Variants in SPOPL observed in about 807,000 individuals in gnomAD.
SPOPL encodes speckle-type POZ protein-like.
In SPOPL, 23 loss-of-function variants were observed where a neutral mutation model predicts 53.8. The ratio of observed to expected loss-of-function variants is 0.43; its 90% CI spans 0.31 to 0.61. SPOPL has a LOEUF of 0.61. SPOPL is among the 20% of genes least tolerant of loss of function. The probability of loss-of-function intolerance (pLI) is 0.12; values close to 1 mark genes in which losing one functional copy is unlikely to be tolerated. For missense variants in SPOPL, 442 were observed against 466.9 expected (o/e 0.95, Z 0.49); for synonymous variants, 164 against 149.7 (o/e 1.10, Z -0.70).
intron 5 of SPOPL, among the ~76,000 whole-genome samples, chr2:138,556,131 CTT>C (rs746375238): frequency 8.6e-5 from 13 of 152,038 alleles, no homozygotes; most frequent in Non-Finnish European, 1.5e-4. Flanking sequence ...CTTGAATACT[CTT>C]TGGAGTATGA....
chr2:138,504,714 A>G (rs1307196337), intron 1 of SPOPL, among the ~76,000 whole-genome samples: 1 of 152,204 alleles, frequency 6.6e-6, no homozygotes, highest in Non-Finnish European at 1.5e-5. Flanking sequence ...TGCACCTAGA[A>G]TAGTACTAGC....
intron 1 of SPOPL, among the ~76,000 whole-genome samples, chr2:138,534,663 A>G (rs1268590845): frequency 1.3e-5 from 2 of 152,168 alleles, no homozygotes; most frequent in East Asian, 3.8e-4. Flanking sequence ...CAGTTCCGTA[A>G]TGGCTTAGTA....
chr2:138,564,605 ATAAT>A (rs1227085432), intron 8 of SPOPL, 99 bp from the exon 9 acceptor site: 1 of 1,252,752 alleles, frequency 8.0e-7, no homozygotes, highest in Non-Finnish European at 1.1e-6. Flanking sequence ...ATAATCTTAA[ATAAT>A]AATCTATTTT....
chr2:138,540,536 G>C (rs1383840043), intron 1 of SPOPL, among the ~76,000 whole-genome samples: 3 of 151,910 alleles, frequency 2.0e-5, no homozygotes, highest in Non-Finnish European at 4.4e-5. Flanking sequence ...CTCATGATTT[G>C]GTTCTCTGTC....
At chr2:138,543,958 AC>A (rs1403942657) in intron 1 of SPOPL, among the ~76,000 whole-genome samples, 1 of 151,998 alleles carries the variant, frequency 6.6e-6, no homozygotes, top group Non-Finnish European at 1.5e-5. Flanking sequence ...AACAGTCAGG[AC>A]CCTCAGCTGC....
rs1045918 is a variant in SPOPL at position 138,572,487 on chromosome 2, G to A, written c.*3407G>A. 0.15 allele frequency: 22,746 copies of A among 152,304 alleles called. 1,932 individuals carry two copies. Among genetic ancestry groups the A allele is most frequent in the African/African-American group, 0.23 (9,386 of 41,460 alleles). 9.4% of individuals were successfully genotyped at this position (152,304 alleles called of 1,614,324 possible). On this transcript the variant is annotated 3_prime_UTR_variant, in exon 11 of 11. Transcript: ENST00000280098. ...GACCCAGTGTTACTAAAATAGAACAGGGATTGTGAAAATCCAGCTCAACAT... is the reference window on the plus strand; with the variant it reads ...GACCCAGTGTTACTAAAATAGAACAAGGATTGTGAAAATCCAGCTCAACAT...
intron 5 of SPOPL, among the ~76,000 whole-genome samples, chr2:138,555,347 AGCCTTTCT>A (rs1325397386): frequency 6.6e-6 from 1 of 152,128 alleles, no homozygotes; most frequent in Non-Finnish European, 1.5e-5. Flanking sequence ...CATAGCAGAG[AGCCTTTCT>A]GTTTTAAAAT....
At chr2:138,538,796 G>A (rs34898006) in intron 1 of SPOPL, among the ~76,000 whole-genome samples, 21,386 of 151,040 alleles carry the variant, frequency 0.14, 1,674 homozygotes, top group African/African-American at 0.2. Flanking sequence ...TGTGCACAAC[G>A]TGCAGGTTAG....
intron 1 of SPOPL, among the ~76,000 whole-genome samples, chr2:138,520,324 A>C (rs1684529791): frequency 1.3e-5 from 2 of 152,216 alleles, no homozygotes; most frequent in East Asian, 1.9e-4. Flanking sequence ...ACTGTAGTGA[A>C]CTTGAAGGTA....
chr2:138,504,549 T>C (rs1202974969), intron 1 of SPOPL, among the ~76,000 whole-genome samples: 2 of 152,226 alleles, frequency 1.3e-5, no homozygotes, highest in Non-Finnish European at 2.9e-5. Context: ...CTTAGTTTTG[T>C]AAATATTCTT....
At chr2:138,568,790 G>A in intron 10 of SPOPL, 146 bp from the exon 11 acceptor site, 2 of 842,396 alleles carry the variant, frequency 2.4e-6, no homozygotes, top group South Asian at 3.6e-5. Flanking sequence ...GATAAAGATG[G>A]TATTTTAATA....
intron 1 of SPOPL, among the ~76,000 whole-genome samples, chr2:138,527,888 T>C (rs552038892): frequency 6.6e-6 from 1 of 152,320 alleles, no homozygotes; most frequent in Non-Finnish European, 1.5e-5. Context: ...GCAAGGTGTC[T>C]CAACGTGATG....
chr2:138,529,980 A>T (rs1684771614), intron 1 of SPOPL, among the ~76,000 whole-genome samples: 1 of 151,812 alleles, frequency 6.6e-6, no homozygotes, highest in Admixed American at 6.6e-5. Flanking sequence ...CCCACGCTTT[A>T]CCCTCTAATA....
At chr2:138,553,969 A>G (rs772702256) in intron 5 of SPOPL, among the ~76,000 whole-genome samples, 3 of 152,124 alleles carry the variant, frequency 2.0e-5, no homozygotes, top group Non-Finnish European at 4.4e-5. Flanking sequence ...TTAATTTAGA[A>G]CAGAAAGGAT....
chr2:138,513,905 GATTTT>G (rs1420967764), intron 1 of SPOPL, among the ~76,000 whole-genome samples: 1 of 152,088 alleles, frequency 6.6e-6, no homozygotes, highest in Non-Finnish European at 1.5e-5. Context: ...CTGGGAGCAG[GATTTT>G]ATTATACACT....
At chr2:138,539,969 G>C (rs1573891067) in intron 1 of SPOPL, among the ~76,000 whole-genome samples, 1 of 152,184 alleles carries the variant, frequency 6.6e-6, no homozygotes, top group African/African-American at 2.4e-5. Context: ...CATATGGCTA[G>C]CCAGTTTTCC....
At chr2:138,544,530 A>T (rs934392292) in intron 1 of SPOPL, among the ~76,000 whole-genome samples, 2 of 152,242 alleles carry the variant, frequency 1.3e-5, no homozygotes, top group Admixed American at 1.3e-4. Flanking sequence ...AGACCCTCCG[A>T]GCCAGGTGCG....
In SPOPL at chr2:138,559,027, T is replaced by G; in HGVS notation, c.486T>G (p.Ser162Arg). ...DDKLTLFCEV[S>R]VVQDSVNISG... is the part of the protein sequence containing the mutation. Reference sequence around the variant, plus strand: ...TGCTGTCCCTTTTTTATTAGGTGAGTGTGGTCCAAGATTCAGTAAACATAT... The same window carrying G: ...TGCTGTCCCTTTTTTATTAGGTGAGGGTGGTCCAAGATTCAGTAAACATAT... The change falls in exon 6 of 11, where the codon AGT becomes AGG. Residue 162 changes from serine to arginine, a missense_variant. Coordinates refer to ENST00000280098, the MANE Select transcript of SPOPL (RefSeq NM_001001664.3). The G allele has an allele frequency of 1.9e-6, 3 of 1,589,942 alleles. No individual in the cohort carries two copies. The highest frequency in any genetic ancestry group is 2.6e-6 in the Non-Finnish European group (3 of 1,171,284).
At chr2:138,548,353 T>C (rs548478382) in intron 1 of SPOPL, among the ~76,000 whole-genome samples, 2 of 151,224 alleles carry the variant, frequency 1.3e-5, no homozygotes, top group South Asian at 4.2e-4. Flanking sequence ...AGAAAACATA[T>C]AAATGCTTTC....
Sources: gnomAD v4.1 joint callset for allele counts (sites outside exome capture counted in the v4.1 genomes callset) on GRCh38, gnomAD v4.1.1 for gene constraint, MANE v1.5 for transcripts, NCBI Gene and HGNC (gene_info 2026-07-23, HGNC 2026-07-21) for gene names.